Variants in UST observed in about 807,000 individuals in gnomAD.
The protein encoded by UST is chondroitin sulfate 2-O-sulfotransferase.
A neutral mutation model predicts 45.6 loss-of-function variants in UST; 21 were observed. The ratio of observed to expected loss-of-function variants is 0.46; its 90% CI spans 0.33 to 0.66. The LOEUF (loss-of-function observed/expected upper bound fraction) is 0.66, where lower values mean the gene tolerates loss of function less well. Among genes scored for constraint, UST ranks in the 30% least tolerant of loss-of-function variants. The pLI, the probability that UST is intolerant of heterozygous loss-of-function variation, is 0.02. For synonymous variants in UST, 215 were observed against 200.6 expected (o/e 1.07, Z -0.61); for missense variants, 463 against 512.4 (o/e 0.90, Z 0.93).
At position 149,074,065 on chromosome 6, in the gene UST, C is replaced by G; in HGVS notation, c.1170C>G (p.Asp390Glu). The change falls in exon 8 of 8, where the codon GAC becomes GAG. Residue 390 changes from aspartate to glutamate, a missense_variant. This residue lies in a region of UST where 287 missense variants were observed against 374.2 expected (regional missense o/e 0.77). Transcript: ENST00000367463. ...CACTGGAAACCGAGGAGCCAATCGA[C>G]GATGAAGAACAGGATGATGAAAAGT... is the stretch of plus-strand genomic sequence containing the variant. ...PTPLETEEPI[D>E]DEEQDDEKWL... 1.2e-6 allele frequency: 2 copies of G among 1,614,088 alleles called. No individual in the cohort carries two copies.
intron 1 of UST, among the ~76,000 whole-genome samples, chr6:148,782,512 G>A (rs1254261076): frequency 2.6e-5 from 4 of 151,820 alleles, no homozygotes; most frequent in African/African-American, 7.3e-5. Context: ...GTGCAGTGGC[G>A]CGATCTTGGC....
chr6:149,014,179 C>T (rs755932458), intron 5 of UST, among the ~76,000 whole-genome samples: 8 of 152,152 alleles, frequency 5.3e-5, no homozygotes, highest in Non-Finnish European at 1.0e-4. Flanking sequence ...AGGCCTCCAG[C>T]GCAGTGTCTC....
intron 2 of UST, among the ~76,000 whole-genome samples, chr6:148,930,891 A>G (rs879738678): frequency 1.3e-5 from 2 of 152,268 alleles, no homozygotes; most frequent in Admixed American, 6.5e-5. Flanking sequence ...TTCACACTCA[A>G]GAAACTAACA....
chr6:149,011,333 G>C (rs1189073171), intron 5 of UST, among the ~76,000 whole-genome samples: 1 of 152,120 alleles, frequency 6.6e-6, no homozygotes, highest in Admixed American at 6.5e-5. Context: ...GGCAGTGGCG[G>C]GGAGAAGTGG....
At chr6:148,889,142 T>C (rs982979422) in intron 2 of UST, among the ~76,000 whole-genome samples, 1 of 152,252 alleles carries the variant, frequency 6.6e-6, no homozygotes, top group Non-Finnish European at 1.5e-5. Flanking sequence ...CCAGAGTGTC[T>C]GATTCAGTGG....
rs75398735 is a variant in UST, at chr6:149,035,131, T to C, written c.937+13650T>C. ...CCTTTCTATGCGCTTCGCTGTTTTT[T>C]CCTCCCTCAATTGCCATCTTTTGAA... On this transcript the variant is annotated intron_variant, in intron 7 of 7. Coordinates refer to ENST00000367463, the MANE Select transcript of UST (RefSeq NM_005715.3). 5.6e-3 allele frequency among the ~76,000 whole-genome samples: 847 copies of C among 152,242 alleles called. 25 individuals are homozygous for C. Among genetic ancestry groups the C allele is most frequent in the Admixed American group, 0.041 (627 of 15,290 alleles).
chr6:148,873,275 TAGA>T (rs554618505), intron 1 of UST, among the ~76,000 whole-genome samples: 36 of 152,204 alleles, frequency 2.4e-4, no homozygotes, highest in African/African-American at 8.7e-4. Context: ...ACACGTCAGC[TAGA>T]AGAAGACAGG....
At chr6:148,855,909 A>C (rs1051527705) in intron 1 of UST, among the ~76,000 whole-genome samples, 1 of 152,176 alleles carries the variant, frequency 6.6e-6, no homozygotes, top group African/African-American at 2.4e-5. Context: ...GACCTGACAA[A>C]AAAGTCAATT....
At chr6:149,022,254 T>C (rs1775991331) in intron 7 of UST, among the ~76,000 whole-genome samples, 1 of 152,220 alleles carries the variant, frequency 6.6e-6, no homozygotes, top group Non-Finnish European at 1.5e-5. Context: ...ATCTGTTTAT[T>C]GTTCTGTTTT....
At chr6:148,966,989 C>T (rs1780816032) in intron 5 of UST, among the ~76,000 whole-genome samples, 1 of 152,176 alleles carries the variant, frequency 6.6e-6, no homozygotes, top group African/African-American at 2.4e-5. Context: ...CCACCCACCT[C>T]AGCCTCCCAA....
chr6:148,960,096 C>T lies in UST; in HGVS notation c.528-4314C>T, dbSNP rs533078057. The stretch of plus-strand genomic sequence containing the variant: ...TTGAGGTCAGGAGTTCGAGACCAGC[C>T]TGGCCAACACGGCGAAACCCCATCT... On this transcript the variant is annotated intron_variant, in intron 4 of 7. Coordinates refer to ENST00000367463, the MANE Select transcript of UST (RefSeq NM_005715.3). 3.3e-5 allele frequency among the ~76,000 whole-genome samples: 5 copies of T among 152,154 alleles called. No individual in the cohort carries two copies. In the South Asian group the frequency reaches 1.0e-3, roughly 32 times the overall value.
chr6:149,052,254 T>G (rs1776498062), intron 7 of UST, among the ~76,000 whole-genome samples: 1 of 152,226 alleles, frequency 6.6e-6, no homozygotes, highest in African/African-American at 2.4e-5. Context: ...TTTTTCTATT[T>G]CAGTGGCAGA....
At position 148,968,934 on chromosome 6, in the gene UST, G is replaced by GTGGAAAGTAA. The variant is rs1181627280; in HGVS notation, c.681+4374_681+4383dup. On this transcript the variant is annotated intron_variant, in intron 5 of 7. Transcript: ENST00000367463. ...TGTTTATTCGGCTTGGCTGTAAAATGTGGAAAGTAATGCATGTTTAAAAGA... is the reference window on the plus strand; with the variant it reads ...TGTTTATTCGGCTTGGCTGTAAAATGTGGAAAGTAATGGAAAGTAATGCATGTTTAAAAGA... Among the ~76,000 whole-genome samples, 3 of 152,340 alleles carry GTGGAAAGTAA rather than the reference G, an allele frequency of 2.0e-5. No individual in the cohort carries two copies. The East Asian group carries it at 5.8e-4, about 29-fold the overall frequency.
At chr6:148,835,640 T>G (rs1232873159) in intron 1 of UST, among the ~76,000 whole-genome samples, 1 of 152,194 alleles carries the variant, frequency 6.6e-6, no homozygotes, top group African/African-American at 2.4e-5. Flanking sequence ...AAATGGGCAC[T>G]ATGATTGTAC....
chr6:148,827,830 G>A (rs1777603377), intron 1 of UST, among the ~76,000 whole-genome samples: 1 of 151,684 alleles, frequency 6.6e-6, no homozygotes, highest in Non-Finnish European at 1.5e-5. Flanking sequence ...ATGAACATAT[G>A]CGGTTTACTA....
Position 148,747,576 on chromosome 6 carries a change from G to T in UST, c.146G>T (p.Gly49Val), listed in dbSNP as rs759900568. ...CTGCGCTTCTCCCTCCGGGACTACG[G>T]CTTCTGCATGGCCACCCTGCTGGTC... ...PFLRFSLRDY[G>V]FCMATLLVFC... The change falls in exon 1 of 8, where the codon GGC becomes GTC. Residue 49 changes from glycine (G) to valine (V), a missense_variant. This residue lies in a region of UST where 176 missense variants were observed against 138.3 expected (regional missense o/e 1.27). Transcript: ENST00000367463. The T allele has an allele frequency of 1.9e-6, 3 of 1,588,924 alleles. No individual in the cohort carries two copies. The highest frequency in any genetic ancestry group is 2.6e-6 in the Non-Finnish European group (3 of 1,169,240).
chr6:148,756,162 C>G lies in UST; in HGVS notation c.247+8485C>G, dbSNP rs368938144. On this transcript the variant is annotated intron_variant, in intron 1 of 7. Transcript: ENST00000367463. The stretch of plus-strand genomic sequence containing the variant: ...GAGAATAATGGTTTCCAGCTTCATC[C>G]ATGTCCCTACAAAGGACATGAGCTC... Among the ~76,000 whole-genome samples, 5 of 152,056 alleles carry G rather than the reference C, an allele frequency of 3.3e-5. No individual in the cohort carries two copies. The East Asian group carries it at 7.7e-4, about 23-fold the overall frequency.
At chr6:148,925,073 G>A (rs1299942408) in intron 2 of UST, among the ~76,000 whole-genome samples, 1 of 152,118 alleles carries the variant, frequency 6.6e-6, no homozygotes, top group Non-Finnish European at 1.5e-5. Context: ...AATTAGCTCT[G>A]CAAACACTGC....
chr6:148,796,761 G>A (rs562336391), intron 1 of UST, among the ~76,000 whole-genome samples: 1 of 149,388 alleles, frequency 6.7e-6, no homozygotes, highest in East Asian at 2.0e-4. Context: ...TCATGCCGCA[G>A]TGTTGCCCTT....
Sources: gnomAD v4.1 joint callset for allele counts (sites outside exome capture counted in the v4.1 genomes callset) on GRCh38, gnomAD v4.1.1 for gene constraint, gnomAD v4.1.1 regional missense constraint, MANE v1.5 for transcripts, NCBI Gene and HGNC (gene_info 2026-07-23, HGNC 2026-07-21) for gene names.